Variants in SREBF2 observed in about 807,000 individuals in gnomAD.
SREBF2 encodes the protein sterol regulatory element-binding protein 2.
SREBF2 carries 55 observed loss-of-function variants against 113.1 expected under a neutral mutation model. The observed-to-expected ratio is 0.49, with a 90% CI of 0.39 to 0.61. The LOEUF is 0.61. SREBF2 is among the 20% of genes least tolerant of loss of function. SREBF2 has a pLI of 0.00. For missense variants in SREBF2, 1,349 were observed against 1,487.4 expected (o/e 0.91, Z 1.53); for synonymous variants, 593 against 605.7 (o/e 0.98, Z 0.31).
chr22:41,884,925 A>G lies in SREBF2; in HGVS notation c.2122A>G (p.Ile708Val), dbSNP rs761940011. ...CCTGGCTGAATGTGCAGAGGAGAAG[A>G]TCCCACCGAGCACACTGGTTGAGAT... ...VNLAECAEEK[I>V]PPSTLVEIHL... Residue 708 changes from isoleucine (I) to valine (V), a missense_variant, in exon 11 of 19, where the codon ATC becomes GTC. This residue lies in a region of SREBF2 where 650 missense variants were observed against 644.1 expected (regional missense o/e 1.01). Coordinates refer to ENST00000361204, the MANE Select transcript of SREBF2 (RefSeq NM_004599.4). The G allele has an allele frequency of 3.1e-6, 5 of 1,614,086 alleles. No individual in the cohort carries two copies. In the South Asian group the frequency reaches 5.5e-5, roughly 18 times the overall value.
chr22:41,900,185 C>T, intron 15 of SREBF2, 145 bp from the exon 16 acceptor site: 3 of 1,519,674 alleles, frequency 2.0e-6, no homozygotes, highest in Admixed American at 2.0e-5. Flanking sequence ...GAGCTGGTGG[C>T]ATGGTGCCAT....
chr22:41,875,573 TGGTGGACAATGA>T lies in SREBF2; in HGVS notation c.1243_1254del (p.Asn415_Asp418del), dbSNP rs1408591343. 1 of 1,614,128 alleles carries T rather than the reference TGGTGGACAATGA, an allele frequency of 6.2e-7. No individual in the cohort carries two copies. The highest frequency in any genetic ancestry group is 8.5e-7 in the Non-Finnish European group (1 of 1,180,054). On this transcript the variant is annotated inframe_deletion, in exon 7 of 19. Coordinates refer to ENST00000361204, the MANE Select transcript of SREBF2 (RefSeq NM_004599.4). ...CTAAAGGGCATCGACCTAGGCAGTCTGGTGGACAATGAGGTGGACCTGAAGATCGAGGACTTT... is the reference window on the plus strand; with the variant it reads ...CTAAAGGGCATCGACCTAGGCAGTCTGGTGGACCTGAAGATCGAGGACTTT...
intron 5 of SREBF2, 77 bp from the exon 6 acceptor site, chr22:41,875,260 C>A: frequency 8.0e-7 from 1 of 1,243,152 alleles, no homozygotes; most frequent in Admixed American, 1.9e-5. Context: ...GCTGTCATCC[C>A]AAGTGCTAGG....
At chr22:41,849,943 C>CAGGAGAT (rs59084560) in intron 1 of SREBF2, among the ~76,000 whole-genome samples, 46,988 of 151,090 alleles carry the variant, frequency 0.31, 7,945 homozygotes, top group Admixed American at 0.49. Flanking sequence ...TCGAGACCAT[C>CAGGAGAT]CTGACTAACA....
Position 41,867,730 on chromosome 22 carries a change from C to A in SREBF2, c.538+450C>A, listed in dbSNP as rs186078485. Among the ~76,000 whole-genome samples the A allele has an allele frequency of 2.5e-4, 38 of 152,192 alleles. 1 individual carries two copies. Among genetic ancestry groups the A allele is most frequent in the Non-Finnish European group, 5.9e-5 (4 of 68,012 alleles). On this transcript the variant is annotated intron_variant, in intron 2 of 18. Transcript: ENST00000361204. ...GCTGAGGCAGGAGAATGGCGTGAAC[C>A]CGGGAGGCAGAGCTTGCAGTGAGCA...
chr22:41,849,195 A>ATTTT (rs2076904810), intron 1 of SREBF2, among the ~76,000 whole-genome samples: 1 of 151,670 alleles, frequency 6.6e-6, no homozygotes, highest in Non-Finnish European at 1.5e-5. Flanking sequence ...TTATTTATTT[A>ATTTT]TTTATTTATT....
intron 1 of SREBF2, among the ~76,000 whole-genome samples, chr22:41,838,452 G>C (rs2076798502): frequency 6.6e-6 from 1 of 150,496 alleles, no homozygotes; most frequent in Non-Finnish European, 1.5e-5. Flanking sequence ...TGAATTGTGG[G>C]CTGGGCTCAG....
chr22:41,870,091 T>G (rs1478472336), intron 3 of SREBF2, among the ~76,000 whole-genome samples: 2 of 152,086 alleles, frequency 1.3e-5, no homozygotes, highest in Non-Finnish European at 2.9e-5. Context: ...CCTGACCTCA[T>G]GATCCACCTG....
chr22:41,838,933 C>T (rs7287010), intron 1 of SREBF2, among the ~76,000 whole-genome samples: 93,778 of 151,826 alleles, frequency 0.62, 29,904 homozygotes, highest in African/African-American at 0.77. Flanking sequence ...CCTGCAGAAA[C>T]CCAGTTTGAC....
chr22:41,848,072 C>G (rs978544512), intron 1 of SREBF2, among the ~76,000 whole-genome samples: 4 of 151,826 alleles, frequency 2.6e-5, no homozygotes, highest in African/African-American at 9.7e-5. Flanking sequence ...CCCGCCACCA[C>G]GCCCAGCTAA....
chr22:41,835,234 A>T (rs112578360), intron 1 of SREBF2, among the ~76,000 whole-genome samples: 2,419 of 23,988 alleles, frequency 0.1, 193 homozygotes, highest in Middle Eastern at 0.18. Context: ...CAATCATAGC[A>T]CAAACTCTTA....
chr22:41,869,596 G>A (rs143780719), intron 3 of SREBF2, among the ~76,000 whole-genome samples: 1,896 of 151,224 alleles, frequency 0.013, 45 homozygotes, highest in African/African-American at 0.043. Flanking sequence ...CGATTCTCCT[G>A]CCTCAGCCTC....
chr22:41,883,022 A>C (rs2077263790), intron 10 of SREBF2, among the ~76,000 whole-genome samples: 1 of 152,208 alleles, frequency 6.6e-6, no homozygotes, highest in African/African-American at 2.4e-5. Context: ...TGGGAGGATC[A>C]CTTGAGCCTG....
Position 41,873,902 on chromosome 22 carries a change from G to GC in SREBF2, c.978dup (p.Lys327GlnfsTer10). On this transcript the variant is annotated frameshift_variant, in exon 5 of 19. Coordinates refer to ENST00000361204, the MANE Select transcript of SREBF2 (RefSeq NM_004599.4). LOFTEE classifies it high-confidence loss of function. ...TACCTGGGGGAGTCAAGCAGCTTGA[G>GC]CCCCCCAAAGAAGGAGAAAGGCGGA... The GC allele has an allele frequency of 6.2e-7, 1 of 1,614,064 alleles. No homozygotes were observed. The highest frequency in any genetic ancestry group is 8.5e-7 in the Non-Finnish European group (1 of 1,180,002).
chr22:41,904,356 C>T (rs1440133579), intron 17 of SREBF2, among the ~76,000 whole-genome samples: 1 of 152,224 alleles, frequency 6.6e-6, no homozygotes, highest in Non-Finnish European at 1.5e-5. Context: ...CAGACCTCAG[C>T]CTTGCCCTTC....
intron 1 of SREBF2, among the ~76,000 whole-genome samples, chr22:41,861,511 A>G (rs1351254966): frequency 6.6e-6 from 1 of 151,906 alleles, no homozygotes; most frequent in Non-Finnish European, 1.5e-5. Context: ...AAAAAAATTG[A>G]CAATGGATGA....
At chr22:41,848,723 C>T (rs1216066796) in intron 1 of SREBF2, among the ~76,000 whole-genome samples, 2 of 152,130 alleles carry the variant, frequency 1.3e-5, no homozygotes, top group African/African-American at 2.4e-5. Context: ...CTATCTCTGT[C>T]TGCTACTCGC....
Position 41,850,921 on chromosome 22 carries a change from G to C in SREBF2, c.89-15910G>C, listed in dbSNP as rs768185560. Among the ~76,000 whole-genome samples the C allele has an allele frequency of 1.2e-3, 175 of 151,928 alleles. 1 individual carries two copies. The highest frequency in any genetic ancestry group is 1.8e-3 in the Non-Finnish European group (122 of 67,922). Reference sequence around the variant, plus strand: ...ACGCCCAGCTAATTTTTGTATTTTTGGTAGAGATGGGGTTTCACCATGTTG... The same window carrying C: ...ACGCCCAGCTAATTTTTGTATTTTTCGTAGAGATGGGGTTTCACCATGTTG... On this transcript the variant is annotated intron_variant, in intron 1 of 18. Transcript: ENST00000361204.
intron 16 of SREBF2, among the ~76,000 whole-genome samples, chr22:41,901,194 C>T (rs551330824): frequency 4.7e-4 from 72 of 152,180 alleles, no homozygotes; most frequent in Non-Finnish European, 9.0e-4. Flanking sequence ...TCCTTAGCTC[C>T]AGAGTGGGAG....
Sources: gnomAD v4.1 joint callset for allele counts (sites outside exome capture counted in the v4.1 genomes callset) on GRCh38, gnomAD v4.1.1 for gene constraint, gnomAD v4.1.1 regional missense constraint, MANE v1.5 for transcripts, NCBI Gene and HGNC (gene_info 2026-07-23, HGNC 2026-07-21) for gene names.